Variants in LTBP2 observed in about 807,000 individuals in gnomAD.
LTBP2 encodes latent transforming growth factor beta binding protein 2, also known as latent-transforming growth factor beta-binding protein 2.
Under a neutral mutation model 210.6 loss-of-function variants are expected in LTBP2, and 103 were observed. The ratio of observed to expected loss-of-function variants is 0.49; its 90% CI spans 0.42 to 0.58. The LOEUF (loss-of-function observed/expected upper bound fraction) is 0.58. Ranked by LOEUF, LTBP2 falls within the 20% of genes least tolerant of loss-of-function variation. The pLI, the probability that LTBP2 is intolerant of heterozygous loss-of-function variation, is 0.00. For missense variants in LTBP2, 2,313 were observed against 2,494.5 expected (o/e 0.93, Z 1.55); for synonymous variants, 1,007 against 1,015.0 (o/e 0.99, Z 0.15).
chr14:74,520,271 G>GT (rs1239092735), intron 17 of LTBP2, among the ~76,000 whole-genome samples: 3 of 152,230 alleles, frequency 2.0e-5, no homozygotes, highest in African/African-American at 7.2e-5. Context: ...CACCCTGTGT[G>GT]TAAGGGAGTG....
intron 10 of LTBP2, among the ~76,000 whole-genome samples, chr14:74,530,709 C>G (rs1346304133): frequency 6.6e-6 from 1 of 152,174 alleles, no homozygotes; most frequent in African/African-American, 2.4e-5. Context: ...AAGACAGGGT[C>G]TCACCATGTT....
chr14:74,551,323 A>T lies in LTBP2; in HGVS notation c.1427T>A (p.Val476Glu), dbSNP rs1469933556. Residue 476 changes from valine (V) to glutamate (E), a missense_variant, in exon 7 of 36, where the codon GTG (valine) becomes GAG (glutamate). Transcript: ENST00000261978. ...LASVNPSLVKVHIHHPPEASV... is the reference protein window; with the variant it reads ...LASVNPSLVKEHIHHPPEASV... ...GGCCTCGGGTGGGTGGTGAATGTGC[A>T]CCTTCACCAGGGAGGGGTTCACGGA... 1.3e-6 allele frequency: 2 copies of T among 1,587,276 alleles called. No homozygotes were observed. Among genetic ancestry groups the T allele is most frequent in the Non-Finnish European group, 1.7e-6 (2 of 1,164,562 alleles).
At chr14:74,584,004 G>A (rs1451132756) in intron 3 of LTBP2, among the ~76,000 whole-genome samples, 1 of 152,272 alleles carries the variant, frequency 6.6e-6, no homozygotes, top group Middle Eastern at 3.4e-3. Context: ...AGGGTTCAGC[G>A]CCAAGTAGGC....
chr14:74,560,881 T>C (rs1595276586), intron 3 of LTBP2, among the ~76,000 whole-genome samples: 1 of 152,242 alleles, frequency 6.6e-6, no homozygotes, highest in East Asian at 1.9e-4. Flanking sequence ...GCGTAGCTTA[T>C]ATGCAAACAT....
chr14:74,513,476 ACC>A (rs1258912259), intron 18 of LTBP2, among the ~76,000 whole-genome samples: 4 of 152,136 alleles, frequency 2.6e-5, no homozygotes, highest in Non-Finnish European at 5.9e-5. Context: ...CCCCCAGCTG[ACC>A]CTTGATGGAC....
intron 26 of LTBP2, 29 bp from the exon 27 acceptor site, chr14:74,506,852 G>A: frequency 6.3e-7 from 1 of 1,590,508 alleles, no homozygotes; most frequent in East Asian, 2.3e-5. Flanking sequence ...CAGGATAGAG[G>A]ATGTGTGTGT....
At chr14:74,570,547 C>T (rs148740669) in intron 3 of LTBP2, among the ~76,000 whole-genome samples, 46 of 152,322 alleles carry the variant, frequency 3.0e-4, no homozygotes, top group Admixed American at 7.8e-4. Context: ...GAACTAGGGC[C>T]CCAACCTGGA....
intron 3 of LTBP2, among the ~76,000 whole-genome samples, chr14:74,564,956 C>T (rs1471987804): frequency 2.0e-5 from 3 of 152,054 alleles, no homozygotes; most frequent in Admixed American, 1.3e-4. Context: ...CAAATGAGGA[C>T]ATTGAGGCTT....
intron 5 of LTBP2, 69 bp from the exon 6 acceptor site, chr14:74,552,462 AC>A: frequency 7.0e-7 from 1 of 1,432,382 alleles, no homozygotes; most frequent in Non-Finnish European, 9.7e-7. Context: ...GCTGGTGACC[AC>A]CACAGAGAAA....
At chr14:74,524,741 C>T (rs2087249943) in intron 15 of LTBP2, among the ~76,000 whole-genome samples, 1 of 152,212 alleles carries the variant, frequency 6.6e-6, no homozygotes, top group African/African-American at 2.4e-5. Context: ...TGCTCGCTGC[C>T]AGGCACTCTG....
Position 74,516,830 on chromosome 14 carries a change from T to A in LTBP2, c.2900A>T (p.His967Leu). ...TCCTTCCCGTTCCTTACCTTGGCAG[T>A]GTCCTTTCCTGACCATGATGTAGCC... ...DQGYIMVRKG[H>L]CQDINECRHP... The change falls in exon 18 of 36, where the codon CAC becomes CTC. Residue 967 changes from histidine (H) to leucine (L), a missense_variant. His to Leu is a moderately conservative substitution (Grantham distance 99). Coordinates refer to ENST00000261978, the MANE Select transcript of LTBP2 (RefSeq NM_000428.3). 3 of 1,551,836 alleles carry A rather than the reference T, an allele frequency of 1.9e-6. No individual in the cohort carries two copies. Among genetic ancestry groups the A allele is most frequent in the Non-Finnish European group, 2.6e-6 (3 of 1,147,026 alleles).
Position 74,579,851 on chromosome 14 carries a change from T to C in LTBP2, c.830+6003A>G, listed in dbSNP as rs376867879. Among the ~76,000 whole-genome samples, 5 of 151,916 alleles carry C rather than the reference T, an allele frequency of 3.3e-5. No homozygotes were observed. The South Asian group carries it at 8.3e-4, about 25-fold the overall frequency. Reference sequence around the variant, plus strand: ...AACCCTGGCCACCTGTTGTAGGGAGTTGTGAGATGTAAAACAAAATGGATG... The same window carrying C: ...AACCCTGGCCACCTGTTGTAGGGAGCTGTGAGATGTAAAACAAAATGGATG... On this transcript the variant is annotated intron_variant, in intron 3 of 35. Transcript: ENST00000261978.
At chr14:74,523,278 G>A (rs976925842) in intron 15 of LTBP2, among the ~76,000 whole-genome samples, 15 of 152,126 alleles carry the variant, frequency 9.9e-5, no homozygotes, top group African/African-American at 3.6e-4. Context: ...TGCAACTCCT[G>A]CCCAGTTTTC....
chr14:74,577,788 T>TA (rs72520682), intron 3 of LTBP2, among the ~76,000 whole-genome samples: 1 of 98,128 alleles, frequency 1.0e-5, no homozygotes, highest in Non-Finnish European at 2.3e-5. Context: ...ATTACAGGCA[T>TA]GGCCAGCGCG....
Position 74,553,072 on chromosome 14 carries a change from G to A in LTBP2, c.1022-10C>T, listed in dbSNP as rs772001080. 2.6e-5 allele frequency: 42 copies of A among 1,613,834 alleles called. 1 individual carries two copies. The highest frequency in any genetic ancestry group is 1.7e-6 in the Non-Finnish European group (2 of 1,179,888). ...TCCGTGAGGTTCAGCCCTGCAGAGA[G>A]AGGGCTTGGGTCCAGGGGGCAGGGC... On this transcript the variant is annotated splice_polypyrimidine_tract_variant and intron_variant, in intron 4 of 35. Coordinates refer to ENST00000261978, the MANE Select transcript of LTBP2 (RefSeq NM_000428.3).
intron 3 of LTBP2, among the ~76,000 whole-genome samples, chr14:74,566,671 T>C (rs1190300190): frequency 1.3e-5 from 2 of 152,222 alleles, no homozygotes; most frequent in Admixed American, 6.5e-5. Context: ...CTGTACCTTC[T>C]TGTTGCCTGG....
At chr14:74,523,510 T>A (rs2087235146) in intron 15 of LTBP2, among the ~76,000 whole-genome samples, 1 of 151,398 alleles carries the variant, frequency 6.6e-6, no homozygotes, top group Admixed American at 6.6e-5. Flanking sequence ...GTATAGTGGG[T>A]CCTTAAAACC....
intron 8 of LTBP2, among the ~76,000 whole-genome samples, chr14:74,539,487 C>T (rs1398300115): frequency 6.6e-6 from 1 of 152,032 alleles, no homozygotes; most frequent in Non-Finnish European, 1.5e-5. Context: ...CAGGAGTGTC[C>T]CTTGAGTCCA....
intron 17 of LTBP2, among the ~76,000 whole-genome samples, chr14:74,518,957 C>T (rs558001747): frequency 3.3e-5 from 5 of 152,246 alleles, no homozygotes; most frequent in East Asian, 3.9e-4. Flanking sequence ...GAGGTCAGGA[C>T]GACTGTCTGA....
Sources: allele counts gnomAD v4.1 joint callset (sites outside exome capture counted in the v4.1 genomes callset), GRCh38; gene constraint gnomAD v4.1.1; transcripts MANE v1.5; gene names NCBI Gene and HGNC (gene_info 2026-07-23, HGNC 2026-07-21).